Variants in SF3B3 observed in about 807,000 individuals in gnomAD.
SF3B3 encodes the protein splicing factor 3b subunit 3.
A neutral mutation model predicts 139.2 loss-of-function variants in SF3B3; 33 were observed. That is an observed-to-expected ratio of 0.24 (90% CI 0.18 to 0.32). SF3B3 has a LOEUF of 0.32. Among genes scored for constraint, SF3B3 ranks in the 10% least tolerant of loss-of-function variants. The probability of loss-of-function intolerance (pLI) is 1.00; values close to 1 mark genes in which losing one functional copy is unlikely to be tolerated. For missense variants in SF3B3, 818 were observed against 1,509.4 expected (o/e 0.54, Z 7.59); for synonymous variants, 596 against 563.6 (o/e 1.06, Z -0.81).
chr16:70,563,898 G>A lies in SF3B3; in HGVS notation c.2311G>A (p.Gly771Ser), dbSNP rs1479960511. 6.2e-7 allele frequency: 1 copy of A among 1,613,898 alleles called. No individual in the cohort carries two copies. Among genetic ancestry groups the A allele is most frequent in the Non-Finnish European group, 8.5e-7 (1 of 1,179,936 alleles). ...TAGGATTTTGGCATTAGAGAAGCTCGGTGCTGTCTTCAATCAAGTAGCCTT... is the reference window on the plus strand; with the variant it reads ...TAGGATTTTGGCATTAGAGAAGCTCAGTGCTGTCTTCAATCAAGTAGCCTT... ...TLRILALEKLGAVFNQVAFPL... is the reference protein window; with the variant it reads ...TLRILALEKLSAVFNQVAFPL... The change falls in exon 18 of 26, where the codon GGT becomes AGT. Residue 771 changes from glycine to serine, a missense_variant. Transcript: ENST00000302516.
intron 12 of SF3B3, 125 bp downstream of exon 12, chr16:70,554,722 A>T: frequency 1.0e-6 from 1 of 973,304 alleles, no homozygotes; most frequent in Non-Finnish European, 1.5e-6. Context: ...GGTAGGGAAC[A>T]TATGATTTGG....
At position 70,539,218 on chromosome 16, in the gene SF3B3, C is replaced by T. The variant is rs779247558; in HGVS notation, c.1067+11C>T. 2.5e-5 allele frequency: 40 copies of T among 1,569,140 alleles called. No homozygotes were observed. The highest frequency in any genetic ancestry group is 3.4e-5 in the Non-Finnish European group (39 of 1,139,094). ...AGAATTTGGAAACCAGTGAGTAATCCTTCTGTTACCCTAGTTCACCCTGGT... is the reference window on the plus strand; with the variant it reads ...AGAATTTGGAAACCAGTGAGTAATCTTTCTGTTACCCTAGTTCACCCTGGT... On this transcript the variant is annotated intron_variant, in intron 8 of 25. Transcript: ENST00000302516.
intron 4 of SF3B3, 34 bp downstream of exon 4, chr16:70,530,951 A>C: frequency 1.9e-6 from 3 of 1,565,096 alleles, no homozygotes; most frequent in Non-Finnish European, 2.6e-6. Flanking sequence ...CGTTTCTTTC[A>C]GTCACCTCAG....
intron 15 of SF3B3, among the ~76,000 whole-genome samples, chr16:70,559,935 AT>A (rs1185923205): frequency 6.6e-6 from 1 of 151,540 alleles, no homozygotes; most frequent in African/African-American, 2.4e-5. Flanking sequence ...GGGGTGGTAA[AT>A]TGACTCATTC....
chr16:70,571,870 C>T lies in SF3B3; in HGVS notation c.*57C>T. 1 of 1,555,428 alleles carries T rather than the reference C, an allele frequency of 6.4e-7. No individual in the cohort carries two copies. Among genetic ancestry groups the T allele is most frequent in the Non-Finnish European group, 8.7e-7 (1 of 1,151,598 alleles). ...CTGTGTGTTTTGTTTCCCCCACCAC[C>T]ATCACTGCCACCTGGCTTCTGCCAT... On this transcript the variant is annotated 3_prime_UTR_variant, in exon 26 of 26. Transcript: ENST00000302516.
At chr16:70,565,967 A>G (rs1351933043) in intron 20 of SF3B3, among the ~76,000 whole-genome samples, 1 of 152,022 alleles carries the variant, frequency 6.6e-6, no homozygotes, top group Non-Finnish European at 1.5e-5. Flanking sequence ...AAATACAAAA[A>G]TCAGCCAGGC....
Position 70,565,497 on chromosome 16 carries a change from T to G in SF3B3, c.2799T>G (p.Asn933Lys). Residue 933 changes from asparagine (N) to lysine (K), a missense_variant, in exon 20 of 26, where the codon AAT (asparagine) becomes AAG (lysine). Physicochemically the swap from Asn to Lys is moderately conservative, Grantham distance 94 (BLOSUM62 0). Coordinates refer to ENST00000302516, the MANE Select transcript of SF3B3 (RefSeq NM_012426.5). ...GFVYTYKLVN[N>K]GEKLEFLHKT... Reference sequence around the variant, plus strand: ...TCTATACTTACAAGCTTGTGAACAATGGGGAAAAACTGGAGTTTTTGCACA... The same window carrying G: ...TCTATACTTACAAGCTTGTGAACAAGGGGGAAAAACTGGAGTTTTTGCACA... The G allele has an allele frequency of 6.2e-7, 1 of 1,613,936 alleles. No homozygotes were observed. Among genetic ancestry groups the G allele is most frequent in the Non-Finnish European group, 8.5e-7 (1 of 1,179,926 alleles).
At chr16:70,567,363 G>C in intron 20 of SF3B3, 48 bp from the exon 21 acceptor site, 2 of 1,580,980 alleles carry the variant, frequency 1.3e-6, no homozygotes, top group Non-Finnish European at 1.7e-6. Context: ...TGAGGCCTGT[G>C]TCTGGCTGGC....
In SF3B3 at chr16:70,538,475, G is replaced by T; in HGVS notation, c.963+15G>T. ...ATGAAGATATGGTAAGTAGACCATGGATGGACCAGTATAGCTACTCTATGA... is the reference window on the plus strand; with the variant it reads ...ATGAAGATATGGTAAGTAGACCATGTATGGACCAGTATAGCTACTCTATGA... On this transcript the variant is annotated intron_variant, in intron 7 of 25. Coordinates refer to ENST00000302516, the MANE Select transcript of SF3B3 (RefSeq NM_012426.5). The T allele has an allele frequency of 6.2e-7, 1 of 1,606,282 alleles. No homozygotes were observed. Among genetic ancestry groups the T allele is most frequent in the Non-Finnish European group, 8.5e-7 (1 of 1,173,344 alleles).
At chr16:70,533,341 T>TA (rs933144077) in intron 5 of SF3B3, among the ~76,000 whole-genome samples, 9 of 147,510 alleles carry the variant, frequency 6.1e-5, no homozygotes, top group South Asian at 2.2e-4. Context: ...AAGTAAATAT[T>TA]AAAAAAAAAA....
intron 2 of SF3B3, among the ~76,000 whole-genome samples, chr16:70,528,519 T>C (rs1192693420): frequency 6.8e-6 from 1 of 146,364 alleles, no homozygotes; most frequent in African/African-American, 2.6e-5. Context: ...TTTCCCAGGA[T>C]GGAGTGCAAT....
chr16:70,535,232 AAG>A (rs914914931), intron 5 of SF3B3, 74 bp from the exon 6 acceptor site: 7 of 666,588 alleles, frequency 1.1e-5, no homozygotes, highest in Admixed American at 1.0e-4. Context: ...GTTGTGCTGA[AAG>A]AGAGGAGGAG....
At chr16:70,549,323 C>A (rs985057836) in intron 11 of SF3B3, among the ~76,000 whole-genome samples, 2 of 152,152 alleles carry the variant, frequency 1.3e-5, no homozygotes, top group Non-Finnish European at 1.5e-5. Context: ...GTAGAATACT[C>A]ATTTTTGTGG....
intron 20 of SF3B3, 67 bp downstream of exon 20, chr16:70,565,591 T>TATG (rs1172104988): frequency 2.0e-6 from 3 of 1,469,350 alleles, no homozygotes; most frequent in Non-Finnish European, 2.8e-6. Flanking sequence ...TTGCTTATGT[T>TATG]ATGGATCAGG....
chr16:70,565,911 G>A (rs1567424788), intron 20 of SF3B3, among the ~76,000 whole-genome samples: 1 of 152,090 alleles, frequency 6.6e-6, no homozygotes, highest in Non-Finnish European at 1.5e-5. Context: ...GAGGTCAGGA[G>A]TTCGAGACCA....
chr16:70,564,319 CCATGAT>C (rs1347258795), intron 18 of SF3B3, among the ~76,000 whole-genome samples: 6 of 152,176 alleles, frequency 3.9e-5, no homozygotes, highest in Admixed American at 3.9e-4. Context: ...CTGCAGTGAG[CCATGAT>C]CATGCCACTG....
chr16:70,546,365 T>C (rs1056949802), intron 10 of SF3B3, among the ~76,000 whole-genome samples: 3 of 152,214 alleles, frequency 2.0e-5, no homozygotes, highest in African/African-American at 7.2e-5. Flanking sequence ...AAAATGCATA[T>C]GTGCGGCTGG....
chr16:70,565,603 CT>C, intron 20 of SF3B3, 79 bp downstream of exon 20: 1 of 1,322,112 alleles, frequency 7.6e-7, no homozygotes, highest in Non-Finnish European at 1.1e-6. Flanking sequence ...TGGATCAGGT[CT>C]TTTGGGGACC....
intron 6 of SF3B3, chr16:70,538,073 T>G (rs1178372941): frequency 1.5e-6 from 1 of 662,906 alleles, no homozygotes; most frequent in Admixed American, 1.8e-5. Flanking sequence ...GGACACAGTT[T>G]TTGCCTTATG....
Sources: allele counts gnomAD v4.1 joint callset (sites outside exome capture counted in the v4.1 genomes callset), GRCh38; gene constraint gnomAD v4.1.1; transcripts MANE v1.5; gene names NCBI Gene and HGNC (gene_info 2026-07-23, HGNC 2026-07-21).